The following TBC1D32 variants were observed in gnomAD, a reference collection of about 807,000 sequenced individuals.
The protein encoded by TBC1D32 is protein broad-minded.
TBC1D32 carries 151 observed loss-of-function variants against 170.3 expected under a neutral mutation model. That is an observed-to-expected ratio of 0.89 (90% CI 0.78 to 1.01). The LOEUF (loss-of-function observed/expected upper bound fraction) is 1.01. TBC1D32 is among the 50% of genes least tolerant of loss of function. The pLI is 0.00. For missense variants in TBC1D32, 1,464 were observed against 1,457.1 expected (o/e 1.00, Z -0.08); for synonymous variants, 498 against 488.0 (o/e 1.02, Z -0.27).
chr6:121,102,554 G>C (rs1277288591), intron 30 of TBC1D32, among the ~76,000 whole-genome samples: 1 of 152,132 alleles, frequency 6.6e-6, no homozygotes, highest in Non-Finnish European at 1.5e-5. Flanking sequence ...AGCTGAAACT[G>C]CATCCCTTCC....
chr6:121,207,216 G>C (rs1792392567), intron 21 of TBC1D32, among the ~76,000 whole-genome samples: 1 of 152,124 alleles, frequency 6.6e-6, no homozygotes, highest in African/African-American at 2.4e-5. Context: ...TTGCCAATTA[G>C]TTCTATGCAT....
chr6:121,258,612 G>A (rs1464657166), intron 15 of TBC1D32, among the ~76,000 whole-genome samples: 1 of 151,598 alleles, frequency 6.6e-6, no homozygotes, highest in Non-Finnish European at 1.5e-5. Flanking sequence ...TTTTCACTTT[G>A]TCCATTCATC....
intron 21 of TBC1D32, among the ~76,000 whole-genome samples, chr6:121,220,717 T>C (rs1228257352): frequency 6.7e-6 from 1 of 148,806 alleles, no homozygotes; most frequent in Non-Finnish European, 1.5e-5. Flanking sequence ...CCTGGCTCAC[T>C]GCGACCTCTA....
At chr6:121,307,870 AC>A in intron 5 of TBC1D32, 105 bp downstream of exon 5, 2 of 1,328,036 alleles carry the variant, frequency 1.5e-6, no homozygotes, top group Non-Finnish European at 2.0e-6. Context: ...CTCAAAAAAA[AC>A]AAAAAAGAAA....
At chr6:121,316,849 C>T (rs991301425) in intron 3 of TBC1D32, among the ~76,000 whole-genome samples, 7 of 152,082 alleles carry the variant, frequency 4.6e-5, no homozygotes, top group Admixed American at 3.3e-4. Context: ...CAGGTGAGAT[C>T]GACACCAGGG....
chr6:121,282,459 T>C (rs1326358880), intron 13 of TBC1D32, among the ~76,000 whole-genome samples: 1 of 151,394 alleles, frequency 6.6e-6, no homozygotes, highest in African/African-American at 2.4e-5. Context: ...TGTTTTATTA[T>C]TAAGTGTTTT....
At chr6:121,082,165 AGCCCTGCCCT>A (rs1775707808) in intron 31 of TBC1D32, among the ~76,000 whole-genome samples, 1 of 152,040 alleles carries the variant, frequency 6.6e-6, no homozygotes, top group Admixed American at 6.6e-5. Flanking sequence ...GAGTGAGAAG[AGCCCTGCCCT>A]AAAATGTTGA....
At chr6:121,333,463 T>C (rs781588120) in intron 1 of TBC1D32, among the ~76,000 whole-genome samples, 2 of 152,224 alleles carry the variant, frequency 1.3e-5, no homozygotes, top group African/African-American at 2.4e-5. Context: ...CATTTAGTTA[T>C]GTGGCTTACT....
rs6921383 is a variant in TBC1D32, at chr6:121,161,643, C to T, written c.2571-587G>A. ...CTATTGTGAATAGTGCTGCAATGAA[C>T]ATAAGTGTGCCTGTATTTGTCTAAT... On this transcript the variant is annotated intron_variant, in intron 22 of 31. Coordinates refer to ENST00000398212, the MANE Select transcript of TBC1D32 (RefSeq NM_152730.6). Among the ~76,000 whole-genome samples the T allele has an allele frequency of 3.8e-3, 583 of 152,244 alleles. 5 individuals are homozygous for T. Among genetic ancestry groups the T allele is most frequent in the African/African-American group, 0.013 (560 of 41,544 alleles).
chr6:121,190,760 T>C (rs1373063688), intron 22 of TBC1D32, among the ~76,000 whole-genome samples: 1 of 152,162 alleles, frequency 6.6e-6, no homozygotes, highest in African/African-American at 2.4e-5. Flanking sequence ...ACATCATTAA[T>C]GTGTGGAGGC....
At position 121,305,097 on chromosome 6, in the gene TBC1D32, G is replaced by C. The variant is rs1807134206; in HGVS notation, c.691-264C>G. On this transcript the variant is annotated intron_variant, in intron 5 of 31. Transcript: ENST00000398212. Reference sequence around the variant, plus strand: ...AGTATATACTGACATGGTGAGGAGGGGGTAAGGTGAGGTTTCATAGAGGAG... The same window carrying C: ...AGTATATACTGACATGGTGAGGAGGCGGTAAGGTGAGGTTTCATAGAGGAG... 2.0e-5 allele frequency among the ~76,000 whole-genome samples: 3 copies of C among 152,040 alleles called. No individual in the cohort carries two copies. The South Asian group carries it at 6.2e-4, about 31-fold the overall frequency.
chr6:121,271,549 C>T (rs1801432679), intron 15 of TBC1D32, among the ~76,000 whole-genome samples: 1 of 152,098 alleles, frequency 6.6e-6, no homozygotes, highest in African/African-American at 2.4e-5. Flanking sequence ...AGGAATCCAA[C>T]TTACAAGGGA....
At chr6:121,289,449 G>A (rs936966475) in intron 12 of TBC1D32, among the ~76,000 whole-genome samples, 52 of 152,252 alleles carry the variant, frequency 3.4e-4, no homozygotes, top group Non-Finnish European at 5.9e-4. Context: ...TACGAGGGAC[G>A]TGAAGGACCT....
intron 27 of TBC1D32, among the ~76,000 whole-genome samples, chr6:121,114,935 G>A (rs1184502874): frequency 6.6e-6 from 1 of 152,026 alleles, no homozygotes; most frequent in Non-Finnish European, 1.5e-5. Flanking sequence ...TAGTCATGAG[G>A]GCTTAAACAC....
At chr6:121,290,865 C>G (rs1314977252) in intron 12 of TBC1D32, among the ~76,000 whole-genome samples, 1 of 152,030 alleles carries the variant, frequency 6.6e-6, no homozygotes, top group African/African-American at 2.4e-5. Flanking sequence ...ACAGATGAAG[C>G]TAGAAACCAT....
intron 13 of TBC1D32, among the ~76,000 whole-genome samples, chr6:121,282,345 T>C (rs939615328): frequency 6.6e-6 from 1 of 151,766 alleles, no homozygotes; most frequent in Non-Finnish European, 1.5e-5. Context: ...AATTTTCAGA[T>C]ATATAATCTA....
chr6:121,279,050 A>G, intron 15 of TBC1D32, 71 bp downstream of exon 15: 1 of 1,494,672 alleles, frequency 6.7e-7, no homozygotes, highest in Non-Finnish European at 8.9e-7. Flanking sequence ...ATCATTTAAT[A>G]TATTATTAGC....
At chr6:121,259,515 C>A (rs2128402051) in intron 15 of TBC1D32, among the ~76,000 whole-genome samples, 1 of 152,172 alleles carries the variant, frequency 6.6e-6, no homozygotes, top group Middle Eastern at 3.4e-3. Flanking sequence ...TGAAATATGG[C>A]AGACTGAACA....
At chr6:121,235,122 C>T (rs1236254047) in intron 20 of TBC1D32, among the ~76,000 whole-genome samples, 1 of 152,106 alleles carries the variant, frequency 6.6e-6, no homozygotes, top group Non-Finnish European at 1.5e-5. Context: ...GCAGGGGAGT[C>T]ACTCTGTGAG....
Sources: allele counts gnomAD v4.1 joint callset (sites outside exome capture counted in the v4.1 genomes callset), GRCh38; gene constraint gnomAD v4.1.1; transcripts MANE v1.5; gene names NCBI Gene and HGNC (gene_info 2026-07-23, HGNC 2026-07-21).